FARP2: variants seen among roughly 807,000 people sequenced by gnomAD.
The protein encoded by FARP2 is FERM, ARHGEF and pleckstrin domain-containing protein 2.
FARP2 carries 111 observed loss-of-function variants against 130.5 expected under a neutral mutation model. The ratio of observed to expected loss-of-function variants is 0.85; its 90% CI spans 0.73 to 1.00. FARP2 has a LOEUF of 1.00. FARP2 is among the 50% of genes least tolerant of loss of function. FARP2 has a pLI of 0.00. For missense variants in FARP2, 1,385 were observed against 1,346.3 expected (o/e 1.03, Z -0.45); for synonymous variants, 504 against 516.9 (o/e 0.98, Z 0.34).
chr2:241,476,757 A>T (rs557787111), intron 19 of FARP2, among the ~76,000 whole-genome samples: 1 of 152,210 alleles, frequency 6.6e-6, no homozygotes, highest in Non-Finnish European at 1.5e-5. Flanking sequence ...ACATACATAC[A>T]AAAAATATAT....
chr2:241,394,151 C>T (rs924912335), intron 2 of FARP2, among the ~76,000 whole-genome samples: 1 of 152,064 alleles, frequency 6.6e-6, no homozygotes. Flanking sequence ...TTATTGTAGT[C>T]CACCTGATAG....
chr2:241,380,583 C>T (rs962093998), intron 2 of FARP2, among the ~76,000 whole-genome samples: 3 of 151,864 alleles, frequency 2.0e-5, no homozygotes, highest in Admixed American at 2.0e-4. Context: ...TCTGAAAATC[C>T]AAAACCTGAA....
chr2:241,420,817 A>G (rs965879737), intron 8 of FARP2, among the ~76,000 whole-genome samples: 5 of 152,100 alleles, frequency 3.3e-5, no homozygotes, highest in South Asian at 2.1e-4. Flanking sequence ...TTTCATCTCC[A>G]TCATCCACAG....
At chr2:241,377,081 G>GT (rs2150307360) in intron 2 of FARP2, among the ~76,000 whole-genome samples, 1 of 152,096 alleles carries the variant, frequency 6.6e-6, no homozygotes, top group African/African-American at 2.4e-5. Flanking sequence ...TTGTTTTGGG[G>GT]TTTTCTGGCC....
chr2:241,395,594 C>T (rs2062011484), intron 2 of FARP2: 1 of 152,180 alleles, frequency 6.6e-6, no homozygotes, highest in Non-Finnish European at 1.5e-5. Flanking sequence ...CTGCATTGTA[C>T]CTCACACACT....
At chr2:241,413,542 G>A in intron 7 of FARP2, 121 bp downstream of exon 7, 1 of 724,344 alleles carries the variant, frequency 1.4e-6, no homozygotes, top group South Asian at 1.8e-5. Context: ...CATTGCTCCT[G>A]GCCTCAGGAT....
At chr2:241,367,845 C>T (rs1285626926) in intron 1 of FARP2, among the ~76,000 whole-genome samples, 1 of 151,116 alleles carries the variant, frequency 6.6e-6, no homozygotes, top group Admixed American at 6.6e-5. Context: ...CTAGCTCTGT[C>T]ACTTCTGAGT....
chr2:241,362,567 T>C (rs111309489), intron 1 of FARP2, among the ~76,000 whole-genome samples: 16,795 of 152,060 alleles, frequency 0.11, 1,188 homozygotes, highest in Non-Finnish European at 0.15. Flanking sequence ...GCGCCACTGC[T>C]CTCCAGCCTG....
intron 10 of FARP2, 24 bp downstream of exon 10, chr2:241,434,345 A>G (rs2063166343): frequency 1.9e-6 from 3 of 1,556,238 alleles, no homozygotes; most frequent in Non-Finnish European, 2.6e-6. Flanking sequence ...CGTGGCTTGC[A>G]TGGGCCCCTC....
At chr2:241,406,805 T>G (rs1276195851) in intron 4 of FARP2, among the ~76,000 whole-genome samples, 2 of 151,014 alleles carry the variant, frequency 1.3e-5, no homozygotes, top group Non-Finnish European at 2.9e-5. Flanking sequence ...TTGTTTTTAT[T>G]TATTTATTTA....
Position 241,400,114 on chromosome 2 carries a change from G to A in FARP2, c.184-3714G>A, listed in dbSNP as rs1472543656. ...TCTATCGCCTTCATTAGTGTAGTCAGGCAGGGCTCCTGGAGCACACTCTGG... is the reference window on the plus strand; with the variant it reads ...TCTATCGCCTTCATTAGTGTAGTCAAGCAGGGCTCCTGGAGCACACTCTGG... On this transcript the variant is annotated intron_variant, in intron 2 of 26. Transcript: ENST00000264042. Among the ~76,000 whole-genome samples, 5 of 152,186 alleles carry A rather than the reference G, an allele frequency of 3.3e-5. No individual in the cohort carries two copies. In the East Asian group the frequency reaches 7.7e-4, roughly 23 times the overall value.
intron 8 of FARP2, among the ~76,000 whole-genome samples, chr2:241,427,333 G>A (rs191476752): frequency 2.9e-4 from 44 of 152,166 alleles, no homozygotes; most frequent in African/African-American, 9.2e-4. Context: ...CATTGTATTA[G>A]GTACATAAGT....
At chr2:241,474,798 TAATAATAAATA>T (rs1050922387) in intron 18 of FARP2, among the ~76,000 whole-genome samples, 8 of 104,178 alleles carry the variant, frequency 7.7e-5, no homozygotes, top group Admixed American at 4.1e-4. Context: ...TCTCTAATAA[TAATAATAAATA>T]AATAAATAAA....
intron 19 of FARP2, 127 bp from the exon 20 acceptor site, chr2:241,483,338 G>A (rs2124885555): frequency 1.3e-6 from 1 of 766,794 alleles, no homozygotes. Flanking sequence ...CTCCACTAGA[G>A]GACCCTCATT....
At chr2:241,449,062 C>A (rs1398766403) in intron 13 of FARP2, among the ~76,000 whole-genome samples, 5 of 152,242 alleles carry the variant, frequency 3.3e-5, no homozygotes, top group Admixed American at 2.6e-4. Flanking sequence ...CTCATGACAT[C>A]CTCTTCCAGT....
chr2:241,393,483 TC>T (rs1189223006), intron 2 of FARP2, among the ~76,000 whole-genome samples: 4 of 152,176 alleles, frequency 2.6e-5, no homozygotes, highest in Non-Finnish European at 5.9e-5. Flanking sequence ...TTTTGAGCGC[TC>T]AAGATTATTT....
intron 17 of FARP2, chr2:241,466,419 C>T (rs1371765168): frequency 3.0e-6 from 3 of 985,310 alleles, no homozygotes; most frequent in East Asian, 1.1e-4. Flanking sequence ...TGGGTGGGCA[C>T]TGGTCCTCAG....
intron 4 of FARP2, 134 bp downstream of exon 4, chr2:241,404,975 A>G (rs2062294696): frequency 3.4e-6 from 2 of 592,792 alleles, no homozygotes; most frequent in Admixed American, 5.8e-5. Context: ...ATAGCGGACA[A>G]ACTTGGAAGT....
chr2:241,407,758 A>C, intron 5 of FARP2, 143 bp downstream of exon 5: 1 of 611,112 alleles, frequency 1.6e-6, no homozygotes, highest in Middle Eastern at 2.6e-4. Flanking sequence ...GGTTAACAGA[A>C]GCATGTTGGC....
Sources: gnomAD v4.1 joint callset for allele counts (sites outside exome capture counted in the v4.1 genomes callset) on GRCh38, gnomAD v4.1.1 for gene constraint, MANE v1.5 for transcripts, NCBI Gene and HGNC (gene_info 2026-07-23, HGNC 2026-07-21) for gene names.